ABCB5: variants seen among roughly 807,000 people sequenced by gnomAD.
ABCB5 encodes ATP-binding cassette sub-family B member 5.
A neutral mutation model predicts 144.2 loss-of-function variants in ABCB5; 155 were observed. The observed-to-expected ratio is 1.08, with a 90% CI of 0.94 to 1.23. The LOEUF (loss-of-function observed/expected upper bound fraction) is 1.23. Among genes scored for constraint, ABCB5 ranks in the 50% most tolerant of loss-of-function variants. ABCB5 has a pLI of 0.00. For missense variants in ABCB5, 1,830 were observed against 1,520.8 expected (o/e 1.20, Z -3.38); for synonymous variants, 610 against 528.6 (o/e 1.15, Z -2.11).
chr7:20,640,417 A>T (rs1784271140), intron 5 of ABCB5, among the ~76,000 whole-genome samples: 1 of 152,124 alleles, frequency 6.6e-6, no homozygotes, highest in South Asian at 2.1e-4. Flanking sequence ...ACTCATGGTC[A>T]ACAGCACTAT....
chr7:20,648,611 C>T (rs185320233), intron 11 of ABCB5, among the ~76,000 whole-genome samples: 78 of 152,256 alleles, frequency 5.1e-4, no homozygotes, highest in African/African-American at 1.7e-3. Flanking sequence ...ATTGTCTTCC[C>T]CCTTTCACTT....
intron 1 of ABCB5, among the ~76,000 whole-genome samples, chr7:20,619,807 C>G (rs904627735): frequency 6.6e-5 from 10 of 152,122 alleles, no homozygotes; most frequent in African/African-American, 2.4e-4. Flanking sequence ...TTTATAGTTT[C>G]AGGTTTTACA....
intron 14 of ABCB5, among the ~76,000 whole-genome samples, chr7:20,668,496 G>A (rs1437291406): frequency 4.6e-4 from 70 of 151,530 alleles, no homozygotes; most frequent in African/African-American, 1.6e-3. Flanking sequence ...CAACCGCCCC[G>A]TCTGAGAAGT....
chr7:20,619,006 C>T (rs892404164), intron 1 of ABCB5, among the ~76,000 whole-genome samples: 2 of 151,864 alleles, frequency 1.3e-5, no homozygotes, highest in African/African-American at 4.8e-5. Flanking sequence ...AACTCCTGGC[C>T]TCAAGTGATC....
intron 20 of ABCB5, among the ~76,000 whole-genome samples, chr7:20,709,885 G>A (rs960655835): frequency 7.8e-5 from 10 of 127,480 alleles, no homozygotes; most frequent in African/African-American, 3.4e-4. Flanking sequence ...ACACCAGGCT[G>A]CCAACATGGT....
chr7:20,710,161 G>T lies in ABCB5; in HGVS notation c.2421+5354G>T, dbSNP rs563745245. Among the ~76,000 whole-genome samples, 9 of 148,488 alleles carry T rather than the reference G, an allele frequency of 6.1e-5. 1 individual carries two copies. The highest frequency in any genetic ancestry group is 2.2e-4 in the African/African-American group (9 of 40,162). On this transcript the variant is annotated intron_variant, in intron 20 of 27. Transcript: ENST00000404938. ...AGACCGAGGCGGGTGGATCACCTGA[G>T]GTCGGGAGTTCAAGACCAGCCTGGC... is the stretch of plus-strand genomic sequence containing the variant.
At chr7:20,640,870 C>G (rs1307552734) in intron 5 of ABCB5, among the ~76,000 whole-genome samples, 1 of 152,214 alleles carries the variant, frequency 6.6e-6, no homozygotes, top group Non-Finnish European at 1.5e-5. Context: ...AACTACCTCA[C>G]TGGCCTCTTG....
intron 19 of ABCB5, among the ~76,000 whole-genome samples, chr7:20,702,757 G>A (rs1027878412): frequency 1.3e-5 from 2 of 148,814 alleles, no homozygotes; most frequent in Non-Finnish European, 3.0e-5. Flanking sequence ...CGCCTCCAGG[G>A]TTCACGCCAT....
chr7:20,713,782 G>A (rs1375606103), intron 20 of ABCB5, among the ~76,000 whole-genome samples: 1 of 149,564 alleles, frequency 6.7e-6, no homozygotes, highest in African/African-American at 2.5e-5. Context: ...CAGTCTGGCT[G>A]CTGTTACCAG....
At chr7:20,714,460 G>A (rs1450424676) in intron 20 of ABCB5, among the ~76,000 whole-genome samples, 1 of 151,576 alleles carries the variant, frequency 6.6e-6, no homozygotes, top group Admixed American at 6.6e-5. Flanking sequence ...ATTTTTCTGG[G>A]TCTTTAAGAC....
intron 1 of ABCB5, among the ~76,000 whole-genome samples, chr7:20,618,507 C>T (rs1353001636): frequency 6.6e-6 from 1 of 152,096 alleles, no homozygotes; most frequent in Admixed American, 6.6e-5. Context: ...ATAATCCCTT[C>T]GCCCAGGTAG....
At chr7:20,685,983 C>A in intron 16 of ABCB5, 147 bp downstream of exon 16, 1 of 856,098 alleles carries the variant, frequency 1.2e-6, no homozygotes, top group Non-Finnish European at 1.7e-6. Context: ...TTCACTCTAG[C>A]ATCAGTGTGT....
chr7:20,627,828 G>C (rs767017912), intron 3 of ABCB5, among the ~76,000 whole-genome samples: 5 of 152,152 alleles, frequency 3.3e-5, no homozygotes, highest in Non-Finnish European at 7.3e-5. Flanking sequence ...ATGCCGGTGA[G>C]CCAGAGCGTT....
chr7:20,739,058 C>T lies in ABCB5; in HGVS notation c.2943C>T (p.Ala981=), dbSNP rs1391257190. 1.9e-6 allele frequency: 3 copies of T among 1,612,114 alleles called. No homozygotes were observed. Among genetic ancestry groups the T allele is most frequent in the Non-Finnish European group, 2.5e-6 (3 of 1,179,240 alleles). The part of the protein sequence containing the change: ...TLVLAPEYSK[A]KSGAAHLFAL... Reference sequence around the variant, plus strand: ...TTTTGGCTCCTGAATATTCCAAAGCCAAATCGGGGGCTGCGCATCTGTTTG... The same window carrying T: ...TTTTGGCTCCTGAATATTCCAAAGCTAAATCGGGGGCTGCGCATCTGTTTG... Residue 981 remains alanine (A), a synonymous_variant, in exon 24 of 28, where the codon GCC becomes GCT. Transcript: ENST00000404938.
rs186539964 is a variant in ABCB5 at position 20,643,604 on chromosome 7, T to C, written c.650T>C (p.Ile217Thr). 6.8e-5 allele frequency: 109 copies of C among 1,613,982 alleles called. No homozygotes were observed. In the African/African-American group the frequency reaches 1.3e-3, roughly 19 times the overall value. ...GTGACTCTATCCACGTCTCCTCTTA[T>C]AATGGCTTCAGCGGCAGCATGTTCT... ...TLVTLSTSPLIMASAAACSRM... is the reference protein window; with the variant it reads ...TLVTLSTSPLTMASAAACSRM... The change falls in exon 7 of 28, where the codon ATA becomes ACA. Residue 217 changes from isoleucine to threonine, a missense_variant. Ile to Thr is a moderately conservative substitution (Grantham distance 89, BLOSUM62 -1). Coordinates refer to ENST00000404938, the MANE Select transcript of ABCB5 (RefSeq NM_001163941.2).
intron 23 of ABCB5, among the ~76,000 whole-genome samples, chr7:20,735,003 A>G (rs898829761): frequency 1.3e-5 from 2 of 152,174 alleles, no homozygotes; most frequent in African/African-American, 4.8e-5. Flanking sequence ...ATACCGACCA[A>G]GAACCATTCC....
intron 23 of ABCB5, among the ~76,000 whole-genome samples, chr7:20,730,904 C>T (rs957257435): frequency 6.6e-6 from 1 of 152,132 alleles, no homozygotes; most frequent in African/African-American, 2.4e-5. Context: ...TTCTGTATAA[C>T]TAGTTTTGAG....
chr7:20,676,843 G>T (rs1785629780), intron 14 of ABCB5, among the ~76,000 whole-genome samples: 1 of 151,966 alleles, frequency 6.6e-6, no homozygotes, highest in Non-Finnish European at 1.5e-5. Flanking sequence ...TAAGACTTAG[G>T]GGGTTAAAAA....
At position 20,711,828 on chromosome 7, in the gene ABCB5, CTTTCTTTCTTTCTTTCT is replaced by C. The variant is rs1484898856; in HGVS notation, c.2421+7038_2421+7054del. On this transcript the variant is annotated intron_variant, in intron 20 of 27. Coordinates refer to ENST00000404938, the MANE Select transcript of ABCB5 (RefSeq NM_001163941.2). The stretch of plus-strand genomic sequence containing the variant: ...TCTTTCTTTCTTTCTTTCTTTCTTT[CTTTCTTTCTTTCTTTCT>C]TTTCTTTCTTTCTTTCCTTCCTCCC... Among the ~76,000 whole-genome samples the C allele has an allele frequency of 1.1e-3, 63 of 55,232 alleles. 3 individuals are homozygous for C. The highest frequency in any genetic ancestry group is 9.4e-3 in the African/African-American group (60 of 6,360). 36.2% of individuals were successfully genotyped at this position (55,232 alleles called of 152,430 possible). A position where few individuals can be genotyped will look rare whatever the true frequency, so the allele number is the denominator to read the frequency against.
Sources: allele counts gnomAD v4.1 joint callset (sites outside exome capture counted in the v4.1 genomes callset), GRCh38; gene constraint gnomAD v4.1.1; transcripts MANE v1.5; gene names NCBI Gene and HGNC (gene_info 2026-07-23, HGNC 2026-07-21).